Variants in GRB14 observed in about 807,000 individuals in gnomAD.
GRB14 encodes growth factor receptor bound protein 14.
A neutral mutation model predicts 69.1 loss-of-function variants in GRB14; 38 were observed. That is an observed-to-expected ratio of 0.55 (90% CI 0.42 to 0.72). The LOEUF (loss-of-function observed/expected upper bound fraction) is 0.72. Ranked by LOEUF, GRB14 falls within the 30% of genes least tolerant of loss-of-function variation. The pLI, the probability that GRB14 is intolerant of heterozygous loss-of-function variation, is 0.00. For missense variants in GRB14, 666 were observed against 666.1 expected, an observed-to-expected ratio of 1.00 and a Z score of 0.00; for synonymous variants, 247 against 241.3, an observed-to-expected ratio of 1.02 and a Z score of -0.22.
intron 2 of GRB14, among the ~76,000 whole-genome samples, chr2:164,552,855 A>G (rs1258458319): frequency 1.3e-5 from 2 of 152,148 alleles, no homozygotes; most frequent in Non-Finnish European, 2.9e-5. Context: ...AACTGCCTGG[A>G]CTAAACACTC....
intron 9 of GRB14, among the ~76,000 whole-genome samples, chr2:164,501,150 G>C (rs1038432063): frequency 9.2e-5 from 14 of 151,964 alleles, no homozygotes; most frequent in African/African-American, 3.4e-4. Flanking sequence ...AAAATTCACT[G>C]TGCCCCTTAG....
At chr2:164,606,772 G>C (rs1439229026) in intron 2 of GRB14, among the ~76,000 whole-genome samples, 1 of 152,172 alleles carries the variant, frequency 6.6e-6, no homozygotes, top group Non-Finnish European at 1.5e-5. Flanking sequence ...TAGCTCTAAA[G>C]AGAAACTAGA....
intron 2 of GRB14, among the ~76,000 whole-genome samples, chr2:164,615,895 C>T (rs4407262): frequency 0.77 from 117,094 of 152,086 alleles, 45,713 homozygotes; most frequent in Admixed American, 0.82. Context: ...TCTTTGCTTT[C>T]CTTCAAACAA....
intron 6 of GRB14, 52 bp from the exon 7 acceptor site, chr2:164,508,904 G>A (rs1261195036): frequency 5.6e-6 from 7 of 1,260,614 alleles, no homozygotes; most frequent in Non-Finnish European, 7.7e-6. Context: ...TATCTTTTTT[G>A]TGTGTTTATA....
rs539374024 is a variant in GRB14, at chr2:164,564,034, G to A, written c.325-16218C>T. ...GTTGAATTGACAAATGAGTAATAAA[G>A]GTGGGTCCACTGATACTAAATCAAG... is the stretch of plus-strand genomic sequence containing the variant. On this transcript the variant is annotated intron_variant, in intron 2 of 13. Transcript: ENST00000263915. Among the ~76,000 whole-genome samples, 26 of 152,246 alleles carry A rather than the reference G, an allele frequency of 1.7e-4. No individual in the cohort carries two copies. In the South Asian group the frequency reaches 5.4e-3, roughly 32 times the overall value.
chr2:164,590,277 CT>C (rs1463978450), intron 2 of GRB14, among the ~76,000 whole-genome samples: 1 of 152,114 alleles, frequency 6.6e-6, no homozygotes, highest in Non-Finnish European at 1.5e-5. Flanking sequence ...CTCTAAACAA[CT>C]TTTTGCTCAT....
chr2:164,506,139 C>A (rs1687182200), intron 8 of GRB14, among the ~76,000 whole-genome samples: 1 of 152,114 alleles, frequency 6.6e-6, no homozygotes, highest in Non-Finnish European at 1.5e-5. Flanking sequence ...CAAAGAGTAC[C>A]AGCCTCTTTA....
intron 2 of GRB14, among the ~76,000 whole-genome samples, chr2:164,582,417 ATTTATTATTTTTTT>A (rs1689430086): frequency 9.3e-6 from 1 of 107,788 alleles, no homozygotes; most frequent in African/African-American, 4.6e-5. Flanking sequence ...TTATTTATTT[ATTTATTATTTTTTT>A]TTTTTTTTGA....
chr2:164,539,836 T>C (rs924843494), intron 3 of GRB14: 5 of 152,208 alleles, frequency 3.3e-5, no homozygotes, highest in African/African-American at 1.2e-4. Context: ...GTACAATGGC[T>C]GCATGTACAG....
intron 2 of GRB14, chr2:164,568,603 T>A (rs778397087): frequency 2.8e-5 from 8 of 284,626 alleles, no homozygotes; most frequent in East Asian, 1.7e-4. Context: ...CCCGCCTTTG[T>A]CCTTGGAAAC....
At chr2:164,570,785 C>T (rs762890814) in intron 2 of GRB14, among the ~76,000 whole-genome samples, 2 of 152,146 alleles carry the variant, frequency 1.3e-5, no homozygotes, top group Non-Finnish European at 2.9e-5. Context: ...AAAATGAACG[C>T]TTCAATTCAA....
intron 8 of GRB14, among the ~76,000 whole-genome samples, chr2:164,506,375 G>C (rs1189878426): frequency 6.6e-6 from 1 of 152,126 alleles, no homozygotes; most frequent in Admixed American, 6.6e-5. Flanking sequence ...TAAATCATTT[G>C]TTAAAACTTT....
chr2:164,514,802 T>G (rs982467001), intron 6 of GRB14, among the ~76,000 whole-genome samples: 1 of 152,130 alleles, frequency 6.6e-6, no homozygotes, highest in African/African-American at 2.4e-5. Context: ...GTTGGGAGGC[T>G]GGTTGCCTGA....
chr2:164,612,405 A>G (rs145664255), intron 2 of GRB14, among the ~76,000 whole-genome samples: 237 of 152,324 alleles, frequency 1.6e-3, no homozygotes, highest in African/African-American at 5.3e-3. Flanking sequence ...AAAGAAAAGG[A>G]CAAGAATTAA....
intron 12 of GRB14, 88 bp from the exon 13 acceptor site, chr2:164,494,612 C>T: frequency 1.2e-6 from 1 of 801,284 alleles, no homozygotes; most frequent in East Asian, 2.4e-5. Context: ...GAAGTGTATG[C>T]ATAAATGTAG....
chr2:164,543,711 A>T (rs917039657), intron 3 of GRB14, among the ~76,000 whole-genome samples: 7 of 152,224 alleles, frequency 4.6e-5, no homozygotes, highest in Non-Finnish European at 7.3e-5. Flanking sequence ...TTTAAGGAGA[A>T]AAAAACCACT....
At chr2:164,530,200 A>G (rs1468273799) in intron 3 of GRB14, among the ~76,000 whole-genome samples, 4 of 152,158 alleles carry the variant, frequency 2.6e-5, no homozygotes, top group Non-Finnish European at 4.4e-5. Flanking sequence ...GGAAGCTTAC[A>G]ATCATGCAGG....
At chr2:164,561,662 C>A (rs1688832214) in intron 2 of GRB14, among the ~76,000 whole-genome samples, 2 of 152,180 alleles carry the variant, frequency 1.3e-5, no homozygotes, top group Non-Finnish European at 2.9e-5. Context: ...AGGCCCGGAC[C>A]TCTGTCCCAC....
chr2:164,530,285 CT>C (rs1687890983), intron 3 of GRB14, among the ~76,000 whole-genome samples: 1 of 152,024 alleles, frequency 6.6e-6, no homozygotes, highest in African/African-American at 2.4e-5. Context: ...GAACAACCAG[CT>C]TTTGTGTGAA....
Sources: allele counts gnomAD v4.1 joint callset (sites outside exome capture counted in the v4.1 genomes callset), GRCh38; gene constraint gnomAD v4.1.1; transcripts MANE v1.5; gene names NCBI Gene and HGNC (gene_info 2026-07-23, HGNC 2026-07-21).